CTNNA2: variants seen among roughly 807,000 people sequenced by gnomAD.
CTNNA2 encodes catenin alpha 2.
Under a neutral mutation model 101.0 loss-of-function variants are expected in CTNNA2, and 42 were observed. That is an observed-to-expected ratio of 0.42 (90% CI 0.32 to 0.54). The LOEUF (loss-of-function observed/expected upper bound fraction) is 0.54. CTNNA2 is among the 20% of genes least tolerant of loss of function. CTNNA2 has a pLI of 0.14. For synonymous variants in CTNNA2, 450 were observed against 456.4 expected, an observed-to-expected ratio of 0.99 and a Z score of 0.18; for missense variants, 871 against 1,223.1, an observed-to-expected ratio of 0.71 and a Z score of 4.29.
intron 7 of CTNNA2, among the ~76,000 whole-genome samples, chr2:80,148,878 T>C (rs1234773889): frequency 6.6e-6 from 1 of 152,172 alleles, no homozygotes; most frequent in Non-Finnish European, 1.5e-5. Flanking sequence ...TCTTCTTTAT[T>C]GCTGCCTTGT....
At chr2:80,087,876 T>TCTC (rs1558795538) in intron 7 of CTNNA2, among the ~76,000 whole-genome samples, 3 of 151,554 alleles carry the variant, frequency 2.0e-5, no homozygotes, top group Non-Finnish European at 4.4e-5. Flanking sequence ...CTCTCTCTCT[T>TCTC]TTTCTCTCCC....
chr2:80,189,681 G>A (rs1019743748), intron 7 of CTNNA2, among the ~76,000 whole-genome samples: 7 of 152,022 alleles, frequency 4.6e-5, no homozygotes, highest in African/African-American at 1.2e-4. Flanking sequence ...TGCCTGGGCC[G>A]CCTATGTGGC....
intron 12 of CTNNA2, among the ~76,000 whole-genome samples, chr2:80,559,883 T>C (rs1384346860): frequency 7.0e-6 from 1 of 142,998 alleles, no homozygotes; most frequent in Non-Finnish European, 1.5e-5. Context: ...CATATTTATA[T>C]ATATATATAC....
intron 4 of CTNNA2, among the ~76,000 whole-genome samples, chr2:79,421,544 G>A (rs1031386701): frequency 1.3e-5 from 2 of 152,126 alleles, no homozygotes; most frequent in African/African-American, 2.4e-5. Context: ...CATATAGATG[G>A]CTAATACCTT....
chr2:80,346,163 A>G (rs1672716251), intron 7 of CTNNA2, among the ~76,000 whole-genome samples: 1 of 152,034 alleles, frequency 6.6e-6, no homozygotes, highest in African/African-American at 2.4e-5. Flanking sequence ...TCATGTTTGA[A>G]CTCTTTTGTA....
At position 80,573,774 on chromosome 2, in the gene CTNNA2, G is replaced by T. The variant is rs190350975; in HGVS notation, c.1742-389G>T. ...AAGTAGAATTTTATTACATTTTATA[G>T]ACAAAGAAACAGGTTAAAACGTGGC... On this transcript the variant is annotated intron_variant, in intron 12 of 18. Coordinates refer to ENST00000402739, the MANE Select transcript of CTNNA2 (RefSeq NM_001282597.3). Among the ~76,000 whole-genome samples, 35 of 152,230 alleles carry T rather than the reference G, an allele frequency of 2.3e-4. 2 individuals are homozygous for T. Among genetic ancestry groups the T allele is most frequent in the African/African-American group, 8.4e-4 (35 of 41,530 alleles).
chr2:79,766,644 T>C (rs1359961072), intron 3 of CTNNA2, among the ~76,000 whole-genome samples: 1 of 152,220 alleles, frequency 6.6e-6, no homozygotes, highest in Non-Finnish European at 1.5e-5. Flanking sequence ...CTACCTCCTC[T>C]TTAAGGCCAT....
chr2:79,377,788 C>A (rs1451975525), intron 4 of CTNNA2, among the ~76,000 whole-genome samples: 1 of 152,072 alleles, frequency 6.6e-6, no homozygotes, highest in African/African-American at 2.4e-5. Flanking sequence ...ACCTGAAGGG[C>A]CTTTATTATA....
chr2:80,101,428 C>T (rs941607980), intron 7 of CTNNA2, among the ~76,000 whole-genome samples: 2 of 152,176 alleles, frequency 1.3e-5, no homozygotes. Context: ...AATATCACAC[C>T]TATGGCAATT....
intron 13 of CTNNA2, chr2:80,575,413 T>C (rs1324539404): frequency 1.3e-5 from 2 of 152,108 alleles, no homozygotes; most frequent in Non-Finnish European, 2.9e-5. Flanking sequence ...TTCTCTCTCT[T>C]TCTTTCTGGG....
chr2:80,582,841 A>G (rs1695655328), intron 14 of CTNNA2, among the ~76,000 whole-genome samples: 1 of 152,188 alleles, frequency 6.6e-6, no homozygotes. Context: ...CACTGCCTTA[A>G]GAATTATGAA....
intron 2 of CTNNA2, among the ~76,000 whole-genome samples, chr2:79,267,091 A>C (rs1674996290): frequency 6.6e-6 from 1 of 152,074 alleles, no homozygotes; most frequent in South Asian, 2.1e-4. Context: ...TGAGATGAGG[A>C]CATCTGAATA....
In CTNNA2 at chr2:80,278,272, A is replaced by G. The variant is rs1369079384; in HGVS notation, c.1057-114939A>G. 3.3e-5 allele frequency among the ~76,000 whole-genome samples: 5 copies of G among 152,140 alleles called. No homozygotes were observed. In the East Asian group the frequency reaches 7.7e-4, roughly 23 times the overall value. On this transcript the variant is annotated intron_variant, in intron 7 of 18. Coordinates refer to ENST00000402739, the MANE Select transcript of CTNNA2 (RefSeq NM_001282597.3). ...GACCGTGTCTGTTAGATTTAGCTAT[A>G]AAAAATAATAACAAAAAGCTCCCAG...
chr2:80,207,527 C>G (rs140630192), intron 7 of CTNNA2, among the ~76,000 whole-genome samples: 690 of 152,168 alleles, frequency 4.5e-3, no homozygotes, highest in Non-Finnish European at 7.4e-3. Flanking sequence ...GGGCTTATGG[C>G]ATTAGGGATG....
chr2:79,547,062 A>C (rs1013531039), intron 1 of CTNNA2: 6 of 151,864 alleles, frequency 4.0e-5, no homozygotes, highest in African/African-American at 1.5e-4. Flanking sequence ...TGTGTGTGTG[A>C]GTGCTTGTGT....
intron 18 of CTNNA2, among the ~76,000 whole-genome samples, chr2:80,632,695 C>T (rs892764058): frequency 1.3e-5 from 2 of 152,128 alleles, no homozygotes; most frequent in Non-Finnish European, 2.9e-5. Context: ...TTGGAATACC[C>T]TCTCCTGTGG....
intron 7 of CTNNA2, among the ~76,000 whole-genome samples, chr2:80,375,207 G>C (rs572256166): frequency 6.6e-6 from 1 of 152,308 alleles, no homozygotes; most frequent in African/African-American, 2.4e-5. Context: ...CAGGAGAACG[G>C]ACACAAGGGA....
chr2:79,363,445 C>T (rs1677674567), intron 3 of CTNNA2, among the ~76,000 whole-genome samples: 1 of 152,140 alleles, frequency 6.6e-6, no homozygotes. Flanking sequence ...CTCTCAGTCA[C>T]ATTTCCTCAT....
intron 7 of CTNNA2, among the ~76,000 whole-genome samples, chr2:80,315,481 G>A (rs78591021): frequency 0.012 from 1,863 of 152,252 alleles, 30 homozygotes; most frequent in African/African-American, 0.041. Flanking sequence ...TTGGCAGCCT[G>A]TTGGCTGGGA....
Sources: allele counts gnomAD v4.1 joint callset (sites outside exome capture counted in the v4.1 genomes callset), GRCh38; gene constraint gnomAD v4.1.1; transcripts MANE v1.5; gene names NCBI Gene and HGNC (gene_info 2026-07-23, HGNC 2026-07-21).